NRP1: variants seen among roughly 807,000 people sequenced by gnomAD.
The protein encoded by NRP1 is neuropilin-1.
In NRP1, 35 loss-of-function variants were observed where a neutral mutation model predicts 106.7. That is an observed-to-expected ratio of 0.33 (90% CI 0.25 to 0.43). The LOEUF (loss-of-function observed/expected upper bound fraction) is 0.43, where lower values mean the gene tolerates loss of function less well. Ranked by LOEUF, NRP1 falls within the 20% of genes least tolerant of loss-of-function variation. The pLI is 1.00. For synonymous variants in NRP1, 437 were observed against 417.9 expected (o/e 1.05, Z -0.56); for missense variants, 1,024 against 1,170.4 (o/e 0.87, Z 1.83).
At chr10:33,297,118 C>G (rs1471150836) in intron 2 of NRP1, among the ~76,000 whole-genome samples, 2 of 152,146 alleles carry the variant, frequency 1.3e-5, no homozygotes, top group African/African-American at 4.8e-5. Flanking sequence ...GCAAAGCAAG[C>G]ACTGAACATC....
In NRP1 at chr10:33,263,696, C is replaced by G. The variant is rs769888879; in HGVS notation, c.608G>C (p.Gly203Ala). Reference sequence around the variant, plus strand: ...TAGCCGGTCGTAGCGACAGAACATCCCCCCTGGAGGATTTGAGTCAGGCTC... The same window carrying G: ...TAGCCGGTCGTAGCGACAGAACATCGCCCCTGGAGGATTTGAGTCAGGCTC... ...DLEPDSNPPGGMFCRYDRLEI... is the reference protein window; with the variant it reads ...DLEPDSNPPGAMFCRYDRLEI... Residue 203 changes from glycine (G) to alanine (A), a missense_variant, in exon 4 of 17, where the codon GGG (glycine) becomes GCG (alanine). Transcript: ENST00000374867. The G allele has an allele frequency of 5.0e-6, 8 of 1,613,940 alleles. No homozygotes were observed. The Admixed American group carries it at 6.7e-5, about 13-fold the overall frequency.
chr10:33,207,627 T>C lies in NRP1; in HGVS notation c.1704A>G (p.Arg568=), dbSNP rs371691570. 25 of 1,614,030 alleles carry C rather than the reference T, an allele frequency of 1.5e-5. No homozygotes were observed. The highest frequency in any genetic ancestry group is 2.1e-5 in the Non-Finnish European group (25 of 1,180,038). ...STRFIRIYPE[R]ATHGGLGLRM... is the part of the protein sequence containing the mutation. The stretch of plus-strand genomic sequence containing the variant: ...TGAGCCCCAGTCCGCCATGAGTGGC[T>C]CTCTCGGGGTAGATCCTGATGAATC... The change falls in exon 10 of 17, where the codon AGA becomes AGG. Residue 568 remains arginine, a synonymous_variant. Transcript: ENST00000374867.
At chr10:33,189,039 C>T (rs1056198924) in intron 13 of NRP1, among the ~76,000 whole-genome samples, 1 of 151,248 alleles carries the variant, frequency 6.6e-6, no homozygotes, top group African/African-American at 2.4e-5. Context: ...GCGCTGGCAG[C>T]CCCTCCAATG....
intron 2 of NRP1, among the ~76,000 whole-genome samples, chr10:33,304,419 C>T (rs1428784316): frequency 3.3e-5 from 5 of 152,166 alleles, no homozygotes; most frequent in Admixed American, 6.5e-5. Context: ...CAACCCTGTC[C>T]TGTTCTATAA....
intron 2 of NRP1, among the ~76,000 whole-genome samples, chr10:33,285,620 A>T (rs1219040644): frequency 6.6e-6 from 1 of 152,132 alleles, no homozygotes; most frequent in Non-Finnish European, 1.5e-5. Context: ...ACCTGAGGTC[A>T]GGAGTTTGAG....
At position 33,331,041 on chromosome 10, in the gene NRP1, C is replaced by T. The variant is rs190065289; in HGVS notation, c.74-159G>A. Reference sequence around the variant, plus strand: ...TCGTGTGGCTCTGAGTGCAACACTCCAGGAAAAAACACTCTTTGATCTCAG... The same window carrying T: ...TCGTGTGGCTCTGAGTGCAACACTCTAGGAAAAAACACTCTTTGATCTCAG... On this transcript the variant is annotated intron_variant, in intron 1 of 16. Coordinates refer to ENST00000374867, the MANE Select transcript of NRP1 (RefSeq NM_003873.7). Among the ~76,000 whole-genome samples the T allele has an allele frequency of 3.3e-5, 5 of 152,194 alleles. No homozygotes were observed. The East Asian group carries it at 9.7e-4, about 29-fold the overall frequency.
intron 11 of NRP1, among the ~76,000 whole-genome samples, chr10:33,199,365 T>TTTTATATATATATATATATATA (rs57582967): frequency 1.6e-5 from 1 of 64,268 alleles, no homozygotes; most frequent in African/African-American, 5.1e-5. Flanking sequence ...CCTGGCTGTT[T>TTTTATATATATATATATATATA]TCTATATATA....
chr10:33,252,219 C>T (rs1386182031), intron 6 of NRP1, among the ~76,000 whole-genome samples: 1 of 152,082 alleles, frequency 6.6e-6, no homozygotes, highest in Non-Finnish European at 1.5e-5. Context: ...GAGAAGAGTC[C>T]AGGAGAAAAC....
At chr10:33,277,925 C>A (rs995660275) in intron 2 of NRP1, among the ~76,000 whole-genome samples, 1 of 151,920 alleles carries the variant, frequency 6.6e-6, no homozygotes, top group Admixed American at 6.6e-5. Flanking sequence ...GTATTATAAG[C>A]AGGATTGTGA....
intron 2 of NRP1, chr10:33,288,163 C>T (rs1844718465): frequency 1.3e-5 from 2 of 152,044 alleles, no homozygotes; most frequent in South Asian, 4.2e-4. Flanking sequence ...AAATGTATGT[C>T]CAGGTATTGG....
At chr10:33,182,152 T>C (rs1360740523) in intron 16 of NRP1, among the ~76,000 whole-genome samples, 1 of 152,062 alleles carries the variant, frequency 6.6e-6, no homozygotes, top group African/African-American at 2.4e-5. Flanking sequence ...ATACTAACTC[T>C]TCAATAAATC....
At chr10:33,225,030 C>T (rs1399777348) in intron 7 of NRP1, among the ~76,000 whole-genome samples, 1 of 152,166 alleles carries the variant, frequency 6.6e-6, no homozygotes, top group East Asian at 1.9e-4. Flanking sequence ...AATTTACTCA[C>T]TTCATCTCCA....
intron 2 of NRP1, among the ~76,000 whole-genome samples, chr10:33,285,814 G>A (rs967699221): frequency 4.7e-5 from 7 of 150,480 alleles, no homozygotes; most frequent in African/African-American, 1.2e-4. Flanking sequence ...GCCTGGGGGA[G>A]GGAGCGAGAC....
At chr10:33,219,381 G>A (rs10827215) in intron 8 of NRP1, among the ~76,000 whole-genome samples, 42,832 of 152,052 alleles carry the variant, frequency 0.28, 6,485 homozygotes, top group East Asian at 0.62. Flanking sequence ...TGTGACTATC[G>A]TAACGTGTTA....
chr10:33,262,385 G>A (rs1050206739), intron 4 of NRP1, among the ~76,000 whole-genome samples: 7 of 151,994 alleles, frequency 4.6e-5, no homozygotes, highest in East Asian at 3.9e-4. Flanking sequence ...TCAAATCTTC[G>A]CTCAAATGTC....
chr10:33,178,777 C>G lies in NRP1; in HGVS notation c.*1299G>C, dbSNP rs968620148. ...TTCTACTAAATGCCAACATTTCTAT[C>G]AAAGGTCATTTTGAATAGAATAGAT... On this transcript the variant is annotated 3_prime_UTR_variant, in exon 17 of 17. Coordinates refer to ENST00000374867, the MANE Select transcript of NRP1 (RefSeq NM_003873.7). 9 of 152,576 alleles carry G rather than the reference C, an allele frequency of 5.9e-5. No homozygotes were observed. The highest frequency in any genetic ancestry group is 1.0e-4 in the Non-Finnish European group (7 of 68,036). The allele number at this position is 152,576 out of a possible 1,614,324, so 9.5% of individuals were successfully genotyped here.
rs376823778 is a variant in NRP1 at position 33,239,341 on chromosome 10, A to G, written c.982-13052T>C. 4.6e-5 allele frequency among the ~76,000 whole-genome samples: 7 copies of G among 152,232 alleles called. No individual in the cohort carries two copies. The East Asian group carries it at 1.4e-3, about 29-fold the overall frequency. Reference sequence around the variant, plus strand: ...TTCAGATTCACCTATTTTCACATATAGTGCCTAATTCTTAACAGATGCTCA... The same window carrying G: ...TTCAGATTCACCTATTTTCACATATGGTGCCTAATTCTTAACAGATGCTCA... On this transcript the variant is annotated intron_variant, in intron 6 of 16. Transcript: ENST00000374867.
chr10:33,242,616 T>G (rs1188443662), intron 6 of NRP1, among the ~76,000 whole-genome samples: 1 of 152,210 alleles, frequency 6.6e-6, no homozygotes, highest in Admixed American at 6.5e-5. Context: ...TATTTCACAT[T>G]TCATATGATT....
chr10:33,292,043 A>G (rs1845032658), intron 2 of NRP1, among the ~76,000 whole-genome samples: 1 of 152,180 alleles, frequency 6.6e-6, no homozygotes, highest in South Asian at 2.1e-4. Flanking sequence ...AGCTACGACT[A>G]CAGGTGCATG....
Sources: gnomAD v4.1 joint callset for allele counts (sites outside exome capture counted in the v4.1 genomes callset) on GRCh38, gnomAD v4.1.1 for gene constraint, MANE v1.5 for transcripts, NCBI Gene and HGNC (gene_info 2026-07-23, HGNC 2026-07-21) for gene names.